TENM4: variants seen among roughly 807,000 people sequenced by gnomAD.
TENM4 encodes teneurin transmembrane protein 4, also known as teneurin-4.
TENM4 carries 82 observed loss-of-function variants against 243.3 expected under a neutral mutation model. The observed-to-expected ratio is 0.34, with a 90% CI of 0.28 to 0.40. The LOEUF is 0.40. TENM4 is among the 10% of genes least tolerant of loss of function. The pLI, the probability that TENM4 is intolerant of heterozygous loss-of-function variation, is 1.00. For missense variants in TENM4, 3,138 were observed against 3,673.3 expected, an observed-to-expected ratio of 0.85 and a Z score of 3.77; for synonymous variants, 1,412 against 1,456.3, an observed-to-expected ratio of 0.97 and a Z score of 0.69.
rs759399076 is a variant in TENM4, at chr11:79,094,315, TCA to T, written c.-65-24308_-65-24307del. Among the ~76,000 whole-genome samples, 14 of 152,132 alleles carry T rather than the reference TCA, an allele frequency of 9.2e-5. No individual in the cohort carries two copies. The East Asian group carries it at 2.7e-3, about 29-fold the overall frequency. On this transcript the variant is annotated intron_variant, in intron 4 of 33. Coordinates refer to ENST00000278550, the MANE Select transcript of TENM4 (RefSeq NM_001098816.3). ...TTATATGTGCTGGCCCATTTATCCC[TCA>T]CAGCAGCTCTGTGCAAGTGCCATTT...
rs189478361 is a variant in TENM4 at position 78,854,076 on chromosome 11, C to T, written c.1681+28G>A. ...TCCGACCAAAAGAGACAATATCCCA[C>T]AGCCCCCAGAGGGTGTGGCTCCCTT... On this transcript the variant is annotated intron_variant, in intron 12 of 33. Coordinates refer to ENST00000278550, the MANE Select transcript of TENM4 (RefSeq NM_001098816.3). The T allele has an allele frequency of 7.1e-6, 11 of 1,540,970 alleles. No individual in the cohort carries two copies. The African/African-American group carries it at 1.4e-4, about 19-fold the overall frequency.
intron 3 of TENM4, among the ~76,000 whole-genome samples, chr11:79,174,295 G>A (rs191281539): frequency 7.2e-5 from 11 of 151,988 alleles, no homozygotes; most frequent in Non-Finnish European, 1.5e-4. Flanking sequence ...TGATGCTCTC[G>A]GGGGAGAGAT....
At chr11:79,196,023 T>G (rs1394876401) in intron 3 of TENM4, among the ~76,000 whole-genome samples, 1 of 152,128 alleles carries the variant, frequency 6.6e-6, no homozygotes, top group African/African-American at 2.4e-5. Context: ...CGAGATCTGA[T>G]GGGTTTATCA....
chr11:79,026,078 A>G (rs1424431328), intron 6 of TENM4, among the ~76,000 whole-genome samples: 1 of 152,182 alleles, frequency 6.6e-6, no homozygotes, highest in African/African-American at 2.4e-5. Context: ...TGATCACAGC[A>G]TGTGTGAGCA....
Position 78,732,326 on chromosome 11 carries a change from G to A in TENM4, c.3128C>T (p.Pro1043Leu), listed in dbSNP as rs773642439. 1.7e-5 allele frequency: 27 copies of A among 1,593,890 alleles called. No individual in the cohort carries two copies. The highest frequency in any genetic ancestry group is 2.2e-5 in the Non-Finnish European group (26 of 1,166,294). Residue 1043 changes from proline to leucine, a missense_variant, in exon 21 of 34, where the codon CCG (proline) becomes CTG (leucine). Physicochemically the swap from Pro to Leu is moderately conservative, Grantham distance 98. Coordinates refer to ENST00000278550, the MANE Select transcript of TENM4 (RefSeq NM_001098816.3). ...AGGAAAGCTGGGTACCTGAATTTCC[G>A]GCACAATGGGGCCTTTCTCTGCACA... ...SSCAEKGPIV[P>L]EIQALQEEIS... is the part of the protein sequence containing the mutation.
chr11:79,425,831 G>A (rs919157748), intron 1 of TENM4, among the ~76,000 whole-genome samples: 1 of 152,186 alleles, frequency 6.6e-6, no homozygotes, highest in African/African-American at 2.4e-5. Flanking sequence ...CATGATTATT[G>A]AGGGGAAAGA....
chr11:78,987,545 T>C (rs925614545), intron 6 of TENM4, among the ~76,000 whole-genome samples: 14 of 152,234 alleles, frequency 9.2e-5, no homozygotes, highest in Non-Finnish European at 2.1e-4. Flanking sequence ...TTTTATATCT[T>C]GATTTGGGCT....
At chr11:78,692,046 A>T (rs1858840074) in intron 28 of TENM4, among the ~76,000 whole-genome samples, 1 of 152,104 alleles carries the variant, frequency 6.6e-6, no homozygotes, top group Non-Finnish European at 1.5e-5. Flanking sequence ...GAGCTGCCAC[A>T]ACAAAGAGCA....
chr11:79,100,167 A>T (rs1380123160), intron 4 of TENM4, among the ~76,000 whole-genome samples: 1 of 152,224 alleles, frequency 6.6e-6, no homozygotes, highest in Non-Finnish European at 1.5e-5. Context: ...TAAACATCAA[A>T]TGCTATAACA....
At chr11:78,877,686 T>C (rs1018962320) in intron 9 of TENM4, among the ~76,000 whole-genome samples, 3 of 152,162 alleles carry the variant, frequency 2.0e-5, no homozygotes, top group Non-Finnish European at 4.4e-5. Context: ...GAGTGTGTTG[T>C]TTCTGCAGCT....
At chr11:78,894,850 C>T (rs1591107787) in intron 7 of TENM4, among the ~76,000 whole-genome samples, 1 of 151,700 alleles carries the variant, frequency 6.6e-6, no homozygotes, top group Non-Finnish European at 1.5e-5. Context: ...AAAAACTAGC[C>T]AGGCATGGTG....
Position 79,069,953 on chromosome 11 carries a change from G to A in TENM4, c.-9C>T, listed in dbSNP as rs998553292. The A allele has an allele frequency of 4.5e-6, 7 of 1,543,666 alleles. No individual in the cohort carries two copies. Among genetic ancestry groups the A allele is most frequent in the Non-Finnish European group, 3.5e-6 (4 of 1,146,006 alleles). ...CTCTCCTTCACGTCCATGGCCTCCG[G>A]CCCGCGCTCCTCCACATCCACAAAC... On this transcript the variant is annotated 5_prime_UTR_variant, in exon 5 of 34. Transcript: ENST00000278550.
At chr11:79,381,307 T>C (rs1362701085) in intron 1 of TENM4, among the ~76,000 whole-genome samples, 1 of 149,260 alleles carries the variant, frequency 6.7e-6, no homozygotes, top group Non-Finnish European at 1.5e-5. Flanking sequence ...ATGATGCAAT[T>C]ATGTCCCACA....
chr11:79,162,221 C>A (rs1198038188), intron 3 of TENM4, among the ~76,000 whole-genome samples: 1 of 152,236 alleles, frequency 6.6e-6, no homozygotes, highest in Non-Finnish European at 1.5e-5. Flanking sequence ...CCTTGGAAGC[C>A]AGACCACCTG....
At chr11:79,403,516 A>G (rs766095874) in intron 1 of TENM4, among the ~76,000 whole-genome samples, 1 of 152,204 alleles carries the variant, frequency 6.6e-6, no homozygotes, top group Non-Finnish European at 1.5e-5. Context: ...GTCAAATTTG[A>G]TACCCTTTCC....
chr11:78,891,666 G>A lies in TENM4; in HGVS notation c.750-330C>T, dbSNP rs74573077. Reference sequence around the variant, plus strand: ...CAAATCTTCAAAATGGCTATGTGAGGAAGGCAATGTAATCCTCATTCTACA... The same window carrying A: ...CAAATCTTCAAAATGGCTATGTGAGAAAGGCAATGTAATCCTCATTCTACA... On this transcript the variant is annotated intron_variant, in intron 7 of 33. Transcript: ENST00000278550. 3.0e-3 allele frequency among the ~76,000 whole-genome samples: 462 copies of A among 152,296 alleles called. 14 individuals carry two copies. The East Asian group carries it at 0.06, about 20-fold the overall frequency.
chr11:79,214,881 T>C (rs1406796891), intron 3 of TENM4, among the ~76,000 whole-genome samples: 1 of 152,276 alleles, frequency 6.6e-6, no homozygotes, highest in Non-Finnish European at 1.5e-5. Context: ...AGAGCAAAGC[T>C]TTCTACCAAC....
intron 9 of TENM4, among the ~76,000 whole-genome samples, chr11:78,885,273 G>A (rs1325627436): frequency 2.0e-5 from 3 of 152,178 alleles, no homozygotes; most frequent in Admixed American, 1.3e-4. Flanking sequence ...AGACTAACAA[G>A]GACCTGAGAA....
In TENM4 at chr11:78,718,334, C is replaced by T. The variant is rs186597833; in HGVS notation, c.3821+2036G>A. ...GTTCATCTTAGAAAGTTTTTAGTAC[C>T]GAAGAAAACAATTAATTGACGAAGG... On this transcript the variant is annotated intron_variant, in intron 25 of 33. Coordinates refer to ENST00000278550, the MANE Select transcript of TENM4 (RefSeq NM_001098816.3). 6.8e-4 allele frequency among the ~76,000 whole-genome samples: 103 copies of T among 152,004 alleles called. 2 individuals carry two copies. Among genetic ancestry groups the T allele is most frequent in the African/African-American group, 2.2e-3 (93 of 41,450 alleles).
Sources: gnomAD v4.1 joint callset for allele counts (sites outside exome capture counted in the v4.1 genomes callset) on GRCh38, gnomAD v4.1.1 for gene constraint, MANE v1.5 for transcripts, NCBI Gene and HGNC (gene_info 2026-07-23, HGNC 2026-07-21) for gene names.